The following ABCA12 variants were observed in gnomAD, a reference collection of about 807,000 sequenced individuals.
ABCA12 encodes glucosylceramide transporter ABCA12.
Under a neutral mutation model 293.5 loss-of-function variants are expected in ABCA12, and 156 were observed. The observed-to-expected ratio is 0.53, with a 90% CI of 0.47 to 0.61. The LOEUF (loss-of-function observed/expected upper bound fraction) is 0.61. Among genes scored for constraint, ABCA12 ranks in the 20% least tolerant of loss-of-function variants. ABCA12 has a pLI of 0.00. For synonymous variants in ABCA12, 1,063 were observed against 1,108.0 expected, an observed-to-expected ratio of 0.96 and a Z score of 0.81; for missense variants, 2,797 against 3,090.2, an observed-to-expected ratio of 0.91 and a Z score of 2.25.
chr2:215,134,055 C>T (rs1356761594), intron 1 of ABCA12, among the ~76,000 whole-genome samples: 1 of 148,638 alleles, frequency 6.7e-6, no homozygotes, highest in African/African-American at 2.5e-5. Flanking sequence ...TCTTACTTTA[C>T]AAAAAAAAAG....
chr2:214,973,213 CA>C (rs1699426856), intron 36 of ABCA12, among the ~76,000 whole-genome samples: 1 of 152,074 alleles, frequency 6.6e-6, no homozygotes, highest in Non-Finnish European at 1.5e-5. Flanking sequence ...ATGAGAACAC[CA>C]AAATGGGTTG....
At chr2:215,112,506 T>TTTG (rs1491055607) in intron 1 of ABCA12, among the ~76,000 whole-genome samples, 1 of 69,860 alleles carries the variant, frequency 1.4e-5, no homozygotes, top group Non-Finnish European at 4.7e-5. Flanking sequence ...TGTTTTTTTT[T>TTTG]GTTTTTTTTT....
intron 51 of ABCA12, among the ~76,000 whole-genome samples, chr2:214,936,613 A>T (rs1698227544): frequency 6.6e-6 from 1 of 152,224 alleles, no homozygotes; most frequent in African/African-American, 2.4e-5. Flanking sequence ...TATGTTAGGT[A>T]TATATGCATA....
chr2:214,987,108 T>C (rs1470846899), intron 27 of ABCA12, among the ~76,000 whole-genome samples: 3 of 152,198 alleles, frequency 2.0e-5, no homozygotes, highest in African/African-American at 7.2e-5. Flanking sequence ...TTTAGAGTGA[T>C]AAGACTAGTT....
At chr2:215,022,379 T>C (rs1700649460) in intron 11 of ABCA12, 1 of 152,200 alleles carries the variant, frequency 6.6e-6, no homozygotes, top group Non-Finnish European at 1.5e-5. Context: ...GGGCCAATAA[T>C]GTGGAAGGCA....
intron 2 of ABCA12, among the ~76,000 whole-genome samples, chr2:215,108,622 A>G (rs1702508701): frequency 6.6e-6 from 1 of 152,222 alleles, no homozygotes; most frequent in South Asian, 2.1e-4. Context: ...TGAGATCAAG[A>G]AATATTTTTA....
intron 34 of ABCA12, 61 bp from the exon 35 acceptor site, chr2:214,974,925 T>G: frequency 7.0e-7 from 1 of 1,421,650 alleles, no homozygotes. Context: ...CATATTAAAA[T>G]CATGCTTGAA....
At chr2:214,971,690 A>C (rs772354338) in intron 36 of ABCA12, among the ~76,000 whole-genome samples, 11 of 152,110 alleles carry the variant, frequency 7.2e-5, no homozygotes, top group Non-Finnish European at 1.6e-4. Flanking sequence ...CATTTTGTTT[A>C]TATACTACTG....
intron 39 of ABCA12, among the ~76,000 whole-genome samples, chr2:214,965,399 A>G (rs1453767205): frequency 1.3e-5 from 2 of 152,224 alleles, no homozygotes; most frequent in African/African-American, 2.4e-5. Context: ...TAATTAAACT[A>G]AAGAGCTTCT....
At chr2:214,993,351 A>G (rs777454133) in intron 23 of ABCA12, among the ~76,000 whole-genome samples, 16 of 152,352 alleles carry the variant, frequency 1.1e-4, no homozygotes, top group Admixed American at 8.5e-4. Context: ...CCCAATTGCT[A>G]CACATGCTAT....
chr2:214,941,892 G>T (rs1035748902), intron 50 of ABCA12, among the ~76,000 whole-genome samples: 1 of 151,828 alleles, frequency 6.6e-6, no homozygotes, highest in South Asian at 2.1e-4. Flanking sequence ...CACACTGATG[G>T]GTCTTGACTC....
chr2:215,054,724 T>C, intron 3 of ABCA12, 60 bp from the exon 4 acceptor site: 2 of 1,307,434 alleles, frequency 1.5e-6, no homozygotes, highest in Non-Finnish European at 2.2e-6. Context: ...GTTACAGCAA[T>C]GTATTATGTG....
At chr2:215,085,088 C>CA (rs34532043) in intron 2 of ABCA12, among the ~76,000 whole-genome samples, 41,471 of 95,504 alleles carry the variant, frequency 0.43, 7,937 homozygotes, top group Middle Eastern at 0.55. Context: ...ACCCTGTCTC[C>CA]AAAAAAAAAA....
intron 23 of ABCA12, among the ~76,000 whole-genome samples, chr2:214,993,262 A>G (rs1699963454): frequency 6.6e-6 from 1 of 152,196 alleles, no homozygotes. Flanking sequence ...ATTTGTAGTA[A>G]AGACTCAACC....
At chr2:214,963,844 C>T (rs1384958256) in intron 39 of ABCA12, among the ~76,000 whole-genome samples, 4 of 140,730 alleles carry the variant, frequency 2.8e-5, no homozygotes, top group South Asian at 4.8e-4. Context: ...TGCTTGAACC[C>T]GGGAGGCAGA....
At chr2:215,058,131 A>C (rs1436802441) in intron 3 of ABCA12, among the ~76,000 whole-genome samples, 1 of 152,060 alleles carries the variant, frequency 6.6e-6, no homozygotes, top group Non-Finnish European at 1.5e-5. Context: ...AGCCTCTTGC[A>C]ACCAGAAACA....
At chr2:215,057,149 T>G (rs957843968) in intron 3 of ABCA12, among the ~76,000 whole-genome samples, 6 of 152,070 alleles carry the variant, frequency 3.9e-5, no homozygotes, top group Admixed American at 6.6e-5. Context: ...TGGCAGAAAG[T>G]ACTTTATAGA....
At position 214,934,349 on chromosome 2, in the gene ABCA12, C is replaced by T. The variant is rs756864403; in HGVS notation, c.7543-134G>A. Reference sequence around the variant, plus strand: ...GAAAATGATGCTACAGTATAAATAACGAGTATATTTTGAAACTAACAGCTT... The same window carrying T: ...GAAAATGATGCTACAGTATAAATAATGAGTATATTTTGAAACTAACAGCTT... On this transcript the variant is annotated intron_variant, in intron 51 of 52. Coordinates refer to ENST00000272895, the MANE Select transcript of ABCA12 (RefSeq NM_173076.3). 31 of 1,026,266 alleles carry T rather than the reference C, an allele frequency of 3.0e-5. 1 individual carries two copies. Among genetic ancestry groups the T allele is most frequent in the Admixed American group, 1.4e-4 (8 of 55,832 alleles). 63.6% of individuals were successfully genotyped at this position (1,026,266 alleles called of 1,614,324 possible).
At chr2:215,025,624 T>A in intron 11 of ABCA12, 49 bp downstream of exon 11, 1 of 1,143,336 alleles carries the variant, frequency 8.7e-7, no homozygotes, top group South Asian at 1.4e-5. Context: ...TGTTTTGTCT[T>A]TTTGTTTTTT....
Sources: gnomAD v4.1 joint callset for allele counts (sites outside exome capture counted in the v4.1 genomes callset) on GRCh38, gnomAD v4.1.1 for gene constraint, MANE v1.5 for transcripts, NCBI Gene and HGNC (gene_info 2026-07-23, HGNC 2026-07-21) for gene names.